The following ADCY9 variants were observed in gnomAD, a reference collection of about 807,000 sequenced individuals.
ADCY9 encodes the protein adenylate cyclase 9.
Under a neutral mutation model 101.5 loss-of-function variants are expected in ADCY9, and 50 were observed. The observed-to-expected ratio is 0.49, with a 90% CI of 0.39 to 0.62. ADCY9 has a LOEUF of 0.62. Ranked by LOEUF, ADCY9 falls within the 20% of genes least tolerant of loss-of-function variation. The pLI is 0.00. For synonymous variants in ADCY9, 905 were observed against 769.3 expected (o/e 1.18, Z -2.92); for missense variants, 1,662 against 1,800.4 (o/e 0.92, Z 1.39).
intron 2 of ADCY9, among the ~76,000 whole-genome samples, chr16:4,091,956 T>C (rs1326930523): frequency 6.6e-6 from 1 of 152,190 alleles, no homozygotes; most frequent in African/African-American, 2.4e-5. Context: ...CATTAAGTTA[T>C]GTGAATTTAG....
At chr16:4,105,545 T>C (rs1249507396) in intron 2 of ADCY9, among the ~76,000 whole-genome samples, 1 of 151,438 alleles carries the variant, frequency 6.6e-6, no homozygotes, top group Non-Finnish European at 1.5e-5. Context: ...CCGGGCATGG[T>C]GGCATGCATC....
At chr16:4,060,901 A>T (rs1006045830) in intron 2 of ADCY9, among the ~76,000 whole-genome samples, 1 of 152,200 alleles carries the variant, frequency 6.6e-6, no homozygotes, top group Non-Finnish European at 1.5e-5. Flanking sequence ...TATTGGACTT[A>T]ACAAAGATTT....
intron 2 of ADCY9, among the ~76,000 whole-genome samples, chr16:4,096,208 G>T (rs1449353638): frequency 6.6e-6 from 1 of 152,122 alleles, no homozygotes; most frequent in African/African-American, 2.4e-5. Context: ...GTGTCTAAAT[G>T]AGAGTTCGTA....
Position 4,115,466 on chromosome 16 carries a change from C to G in ADCY9, c.-24G>C. 1 of 1,507,886 alleles carries G rather than the reference C, an allele frequency of 6.6e-7. No individual in the cohort carries two copies. The highest frequency in any genetic ancestry group is 8.9e-7 in the Non-Finnish European group (1 of 1,127,450). The allele number at this position is 1,507,886 out of a possible 1,614,324, so 93.4% of individuals were successfully genotyped here. On this transcript the variant is annotated 5_prime_UTR_variant, in exon 2 of 11. Coordinates refer to ENST00000294016, the MANE Select transcript of ADCY9 (RefSeq NM_001116.4). The surrounding 1 kb of genome is among the most constrained non-coding windows in gnomAD (Gnocchi z 6.2). Reference sequence around the variant, plus strand: ...ATGTTGTCGAGTCCCGGGGCCTGCCCCGGCCGGGGTCACCAGTACCTGCCA... The same window carrying G: ...ATGTTGTCGAGTCCCGGGGCCTGCCGCGGCCGGGGTCACCAGTACCTGCCA...
At chr16:4,022,210 A>G (rs2056481661) in intron 2 of ADCY9, among the ~76,000 whole-genome samples, 1 of 152,076 alleles carries the variant, frequency 6.6e-6, no homozygotes, top group Non-Finnish European at 1.5e-5. Context: ...GACTAAATAC[A>G]ACCAGGCATG....
intron 2 of ADCY9, among the ~76,000 whole-genome samples, chr16:4,016,207 C>G (rs116247098): frequency 1.1e-3 from 172 of 152,278 alleles, no homozygotes; most frequent in African/African-American, 4.0e-3. Context: ...TGTTCAGAAG[C>G]AACAAATGGC....
In ADCY9 at chr16:4,013,207, C is replaced by T. The variant is rs1028697997; in HGVS notation, c.1694-5649G>A. ...AGGCTGCAGTGAGCTGTGAGTGCGC[C>T]GTTGCACTCCAGCCTGGGCAAGAGA... On this transcript the variant is annotated intron_variant, in intron 2 of 10. Transcript: ENST00000294016. 2.4e-4 allele frequency among the ~76,000 whole-genome samples: 36 copies of T among 151,302 alleles called. 1 individual carries two copies. The highest frequency in any genetic ancestry group is 3.4e-3 in the Middle Eastern group (1 of 294).
chr16:4,068,611 G>A (rs1267572816), intron 2 of ADCY9, among the ~76,000 whole-genome samples: 4 of 151,910 alleles, frequency 2.6e-5, no homozygotes, highest in Non-Finnish European at 5.9e-5. Context: ...TCAGGAGATC[G>A]AGACCATCCT....
At chr16:4,046,818 C>A (rs2056668031) in intron 2 of ADCY9, among the ~76,000 whole-genome samples, 1 of 151,930 alleles carries the variant, frequency 6.6e-6, no homozygotes, top group Non-Finnish European at 1.5e-5. Flanking sequence ...ATAAGTGAGA[C>A]CCCGTCTCAA....
At chr16:4,100,887 T>C (rs2057038925) in intron 2 of ADCY9, among the ~76,000 whole-genome samples, 1 of 152,006 alleles carries the variant, frequency 6.6e-6, no homozygotes, top group Non-Finnish European at 1.5e-5. Context: ...GCAGGATACG[T>C]GAGGGCAGGG....
At chr16:4,006,565 A>G (rs1443569460) in intron 3 of ADCY9, among the ~76,000 whole-genome samples, 2 of 152,218 alleles carry the variant, frequency 1.3e-5, no homozygotes, top group Non-Finnish European at 2.9e-5. Context: ...ACTGGCCGCC[A>G]TCCTCACACA....
downstream of ADCY9, among the ~76,000 whole-genome samples, chr16:3,958,541 C>CAAAAAAAAAAA (rs57920543): frequency 9.6e-6 from 1 of 104,198 alleles, no homozygotes. Flanking sequence ...AACTCCGTCT[C>CAAAAAAAAAAA]AAAAAAAAAA....
At chr16:3,969,566 T>G (rs1354633892) in intron 10 of ADCY9, among the ~76,000 whole-genome samples, 1 of 33,198 alleles carries the variant, frequency 3.0e-5, no homozygotes, top group African/African-American at 8.6e-5. Flanking sequence ...AAAGTTTGTT[T>G]GAAATATATA....
At chr16:4,018,924 T>C (rs1285949697) in intron 2 of ADCY9, among the ~76,000 whole-genome samples, 4 of 102,754 alleles carry the variant, frequency 3.9e-5, no homozygotes, top group Non-Finnish European at 6.4e-5. Context: ...GACTTCCTTT[T>C]TCTGAACTTT....
At chr16:4,010,928 C>G (rs1383920414) in intron 2 of ADCY9, among the ~76,000 whole-genome samples, 3 of 152,040 alleles carry the variant, frequency 2.0e-5, no homozygotes, top group African/African-American at 7.2e-5. Context: ...CTTCTCCCTT[C>G]CAGAAGATGC....
chr16:3,965,814 G>A lies in ADCY9; in HGVS notation c.4023C>T (p.Ala1341=). The A allele has an allele frequency of 6.2e-7, 1 of 1,613,900 alleles. No individual in the cohort carries two copies. Among genetic ancestry groups the A allele is most frequent in the Middle Eastern group, 1.6e-4 (1 of 6,062 alleles). ...AAACGTTGAGCTTGGTGAGTTCGTT[G>A]GCTTCTTCTATTCCTGTTTCGTCAC... ...DDCDETGIEE[A]NELTKLNVSK... Residue 1341 remains alanine (A), a synonymous_variant, in exon 11 of 11, where the codon GCC becomes GCT. Coordinates refer to ENST00000294016, the MANE Select transcript of ADCY9 (RefSeq NM_001116.4).
At chr16:4,088,202 C>T (rs559317382) in intron 2 of ADCY9, among the ~76,000 whole-genome samples, 1 of 152,194 alleles carries the variant, frequency 6.6e-6, no homozygotes, top group East Asian at 1.9e-4. Context: ...TACACTGGCA[C>T]CTGCTTTATA....
At chr16:3,967,606 TG>T (rs1174843048) in intron 10 of ADCY9, among the ~76,000 whole-genome samples, 3 of 151,956 alleles carry the variant, frequency 2.0e-5, no homozygotes, top group Non-Finnish European at 4.4e-5. Flanking sequence ...TTGCCAAGGC[TG>T]GTCTTAAACT....
intron 2 of ADCY9, among the ~76,000 whole-genome samples, chr16:4,053,036 C>A (rs2056711743): frequency 6.6e-6 from 1 of 152,110 alleles, no homozygotes; most frequent in Non-Finnish European, 1.5e-5. Context: ...TCACTGAGAG[C>A]CTATTACATG....
Sources: gnomAD v4.1 joint callset for allele counts (sites outside exome capture counted in the v4.1 genomes callset) on GRCh38, gnomAD v4.1.1 for gene constraint, Gnocchi (gnomAD v3.1) non-coding constraint, MANE v1.5 for transcripts, NCBI Gene and HGNC (gene_info 2026-07-23, HGNC 2026-07-21) for gene names.